PLD5: variants seen among roughly 807,000 people sequenced by gnomAD.
PLD5 encodes inactive phospholipase D5.
In PLD5, 36 loss-of-function variants were observed where a neutral mutation model predicts 61.1. That is an observed-to-expected ratio of 0.59 (90% CI 0.45 to 0.78). PLD5 has a LOEUF of 0.78. PLD5 is among the 30% of genes least tolerant of loss of function. PLD5 has a pLI of 0.00. For synonymous variants in PLD5, 243 were observed against 242.8 expected (o/e 1.00, Z -0.01); for missense variants, 515 against 644.4 (o/e 0.80, Z 2.17).
intron 1 of PLD5, among the ~76,000 whole-genome samples, chr1:242,516,221 T>C (rs2103007112): frequency 6.7e-6 from 1 of 148,646 alleles, no homozygotes; most frequent in African/African-American, 2.5e-5. Context: ...TCAGAGTGTG[T>C]GCTAAAAATA....
chr1:242,096,786 C>T (rs1224734402), intron 9 of PLD5, among the ~76,000 whole-genome samples: 1 of 150,310 alleles, frequency 6.7e-6, no homozygotes, highest in East Asian at 2.0e-4. Flanking sequence ...GGTACATGTG[C>T]ACAACGTGCA....
chr1:242,394,057 C>CAA (rs551820536), intron 1 of PLD5, among the ~76,000 whole-genome samples: 1 of 63,542 alleles, frequency 1.6e-5, no homozygotes, highest in African/African-American at 6.1e-5. Context: ...GACTCCATCT[C>CAA]AAAAAAAAAC....
At chr1:242,204,219 G>A (rs1021243453) in intron 5 of PLD5, among the ~76,000 whole-genome samples, 3 of 151,824 alleles carry the variant, frequency 2.0e-5, no homozygotes, top group Non-Finnish European at 4.4e-5. Context: ...CTCCAGTCTG[G>A]GCGACAGAGC....
intron 4 of PLD5, among the ~76,000 whole-genome samples, chr1:242,254,948 CA>C (rs1399654050): frequency 6.6e-6 from 1 of 152,212 alleles, no homozygotes; most frequent in East Asian, 1.9e-4. Flanking sequence ...ACTTTGACGG[CA>C]GCGTATAGGA....
chr1:242,179,403 T>C (rs138759481), intron 5 of PLD5, among the ~76,000 whole-genome samples: 1 of 152,192 alleles, frequency 6.6e-6, no homozygotes. Context: ...CTAAACAATG[T>C]CAGTGATTAA....
At chr1:242,213,118 G>A (rs926777155) in intron 5 of PLD5, among the ~76,000 whole-genome samples, 1 of 152,134 alleles carries the variant, frequency 6.6e-6, no homozygotes, top group Non-Finnish European at 1.5e-5. Context: ...CTTCCCCCGT[G>A]GTGATTCCTC....
In PLD5 at chr1:242,256,956, CTATCTA is replaced by C. The variant is rs1673086959; in HGVS notation, c.607+8375_607+8380del. 6.6e-6 allele frequency among the ~76,000 whole-genome samples: 1 copy of C among 151,558 alleles called. No individual in the cohort carries two copies. The highest frequency in any genetic ancestry group is 1.9e-4 in the East Asian group (1 of 5,154). On this transcript the variant is annotated intron_variant, in intron 4 of 9. Coordinates refer to ENST00000536534, the MANE Select transcript of PLD5 (RefSeq NM_001372062.1). The surrounding 1 kb of genome is among the most constrained non-coding windows in gnomAD (Gnocchi z 5.7). ...CTAATCTATCTCTACCTACTGTCTT[CTATCTA>C]TATCTATCTACCTACCTACCTACCT...
intron 1 of PLD5, among the ~76,000 whole-genome samples, chr1:242,377,643 A>G (rs1211379537): frequency 1.3e-5 from 2 of 152,170 alleles, no homozygotes; most frequent in African/African-American, 4.8e-5. Context: ...GGGGGAAAAA[A>G]GCAGGTAAAT....
intron 3 of PLD5, among the ~76,000 whole-genome samples, chr1:242,285,782 C>T (rs1231807123): frequency 1.3e-5 from 2 of 151,916 alleles, no homozygotes; most frequent in African/African-American, 4.8e-5. Flanking sequence ...AAGTAAACTA[C>T]AGTTTACAAT....
rs1659611498 is a variant in PLD5, at chr1:242,088,996, G to A, written c.*858C>T. On this transcript the variant is annotated 3_prime_UTR_variant, in exon 10 of 10. Coordinates refer to ENST00000536534, the MANE Select transcript of PLD5 (RefSeq NM_001372062.1). ...TGAAAAACTACTTTATTCCCAAAAT[G>A]CAGACTTGATAGCTTGCTGGATATT... is the stretch of plus-strand genomic sequence containing the variant. 2 of 252,726 alleles carry A rather than the reference G, an allele frequency of 7.9e-6. No homozygotes were observed. The highest frequency in any genetic ancestry group is 1.5e-5 in the Non-Finnish European group (2 of 134,576). 15.7% of individuals were successfully genotyped at this position (252,726 alleles called of 1,614,324 possible). A position where few individuals can be genotyped will look rare whatever the true frequency, so the allele number is the denominator to read the frequency against.
chr1:242,372,532 A>G (rs977745929), intron 1 of PLD5, among the ~76,000 whole-genome samples: 3 of 152,222 alleles, frequency 2.0e-5, no homozygotes, highest in Non-Finnish European at 2.9e-5. Context: ...ACGCTACCTG[A>G]CTTCAAACTA....
intron 5 of PLD5, among the ~76,000 whole-genome samples, chr1:242,193,062 C>T (rs1668384679): frequency 6.6e-6 from 1 of 152,176 alleles, no homozygotes; most frequent in Admixed American, 6.6e-5. Flanking sequence ...TTGATCCCTA[C>T]CTCCTTTATC....
At chr1:242,226,905 AAG>A (rs1164706603) in intron 4 of PLD5, among the ~76,000 whole-genome samples, 3 of 152,322 alleles carry the variant, frequency 2.0e-5, no homozygotes, top group African/African-American at 7.2e-5. Context: ...GTTAAAATTT[AAG>A]AGAGAAAATG....
intron 1 of PLD5, among the ~76,000 whole-genome samples, chr1:242,506,882 C>G (rs1558155744): frequency 6.6e-6 from 1 of 152,182 alleles, no homozygotes; most frequent in Non-Finnish European, 1.5e-5. Flanking sequence ...CTGCACCAGT[C>G]CCAGATTCAG....
chr1:242,494,115 C>CCTCTCCTCCCCTCTCCTCCG (rs1668281298), intron 1 of PLD5, among the ~76,000 whole-genome samples: 2 of 131,796 alleles, frequency 1.5e-5, no homozygotes, highest in Admixed American at 7.6e-5. Flanking sequence ...CCTCTCCTCC[C>CCTCTCCTCCCCTCTCCTCCG]CTCTCCTCCC....
At chr1:242,192,476 C>G (rs1367692263) in intron 5 of PLD5, among the ~76,000 whole-genome samples, 1 of 152,106 alleles carries the variant, frequency 6.6e-6, no homozygotes, top group Non-Finnish European at 1.5e-5. Flanking sequence ...CCCTTCATTG[C>G]ACTTCCAATA....
chr1:242,518,699 A>G (rs935005365), intron 1 of PLD5, among the ~76,000 whole-genome samples: 15 of 152,238 alleles, frequency 9.9e-5, no homozygotes, highest in African/African-American at 3.6e-4. Context: ...AAGAGATGAA[A>G]AAGAAAACTT....
chr1:242,233,610 G>A (rs1189924547), intron 4 of PLD5, among the ~76,000 whole-genome samples: 1 of 152,148 alleles, frequency 6.6e-6, no homozygotes, highest in Non-Finnish European at 1.5e-5. Flanking sequence ...CATGCAGGCA[G>A]AAAAGAAGCA....
chr1:242,197,603 G>A (rs2148947164), intron 5 of PLD5, among the ~76,000 whole-genome samples: 1 of 150,342 alleles, frequency 6.7e-6, no homozygotes, highest in East Asian at 2.0e-4. Flanking sequence ...GACCACTTGT[G>A]ACTTTCCCCT....
Sources: allele counts gnomAD v4.1 joint callset (sites outside exome capture counted in the v4.1 genomes callset), GRCh38; gene constraint gnomAD v4.1.1; non-coding constraint Gnocchi (gnomAD v3.1); transcripts MANE v1.5; gene names NCBI Gene and HGNC (gene_info 2026-07-23, HGNC 2026-07-21).